Variants in ELMO1 observed in about 807,000 individuals in gnomAD.
The protein encoded by ELMO1 is engulfment and cell motility 1, also known as engulfment and cell motility protein 1.
ELMO1 carries 26 observed loss-of-function variants against 98.9 expected under a neutral mutation model. The observed-to-expected ratio is 0.26, with a 90% confidence interval of 0.19 to 0.36. ELMO1 has a LOEUF of 0.36. ELMO1 is among the 10% of genes least tolerant of loss of function. The probability of loss-of-function intolerance (pLI) is 1.00; values close to 1 mark genes in which losing one functional copy is unlikely to be tolerated. For missense variants in ELMO1, 627 were observed against 935.2 expected, an observed-to-expected ratio of 0.67 and a Z score of 4.30; for synonymous variants, 346 against 346.0, an observed-to-expected ratio of 1.00 and a Z score of 0.00.
intron 14 of ELMO1, among the ~76,000 whole-genome samples, chr7:37,098,318 A>C (rs1259451001): frequency 6.6e-6 from 1 of 152,210 alleles, no homozygotes; most frequent in African/African-American, 2.4e-5. Context: ...TGACCTCATT[A>C]AGCATTCATT....
chr7:37,259,046 A>G, intron 6 of ELMO1, 135 bp downstream of exon 6: 2 of 1,070,452 alleles, frequency 1.9e-6, no homozygotes, highest in South Asian at 5.1e-5. Flanking sequence ...CCACTATCTT[A>G]AAAACTATTT....
At chr7:37,349,674 G>T (rs10279078) in intron 1 of ELMO1, among the ~76,000 whole-genome samples, 55,672 of 151,882 alleles carry the variant, frequency 0.37, 10,557 homozygotes, top group Non-Finnish European at 0.41. Flanking sequence ...GGCTGGTCTC[G>T]AACTCCTGAC....
In ELMO1 at chr7:36,861,301, A is replaced by T. The variant is rs939297870; in HGVS notation, c.1983+358T>A. The stretch of plus-strand genomic sequence containing the variant: ...AAAACCTACTTCCTCAGATGTTTTA[A>T]AGAAGAGAGACCAGTTTATCTTGGG... On this transcript the variant is annotated intron_variant, in intron 21 of 21. Transcript: ENST00000310758. 1.7e-4 allele frequency among the ~76,000 whole-genome samples: 26 copies of T among 152,240 alleles called. 1 individual carries two copies. The highest frequency in any genetic ancestry group is 6.3e-4 in the African/African-American group (26 of 41,466).
intron 16 of ELMO1, chr7:36,986,126 C>A: frequency 1.0e-6 from 1 of 988,224 alleles, no homozygotes; most frequent in Non-Finnish European, 1.2e-6. Flanking sequence ...GGTATACACT[C>A]CAAGTCCAGA....
intron 11 of ELMO1, among the ~76,000 whole-genome samples, chr7:37,216,075 G>A (rs544022514): frequency 2.7e-5 from 4 of 150,170 alleles, no homozygotes; most frequent in Non-Finnish European, 5.9e-5. Flanking sequence ...TAGCGGGTAA[G>A]GCCTCAGGAA....
chr7:37,231,010 C>T (rs1386904202), intron 8 of ELMO1, among the ~76,000 whole-genome samples: 1 of 152,200 alleles, frequency 6.6e-6, no homozygotes, highest in Non-Finnish European at 1.5e-5. Flanking sequence ...GCAATTCCAA[C>T]AGTTTCTTTC....
At chr7:37,066,743 C>A (rs1319711040) in intron 15 of ELMO1, among the ~76,000 whole-genome samples, 1 of 151,970 alleles carries the variant, frequency 6.6e-6, no homozygotes, top group African/African-American at 2.4e-5. Flanking sequence ...ACTGTGTTCC[C>A]CATGAATATG....
intron 14 of ELMO1, among the ~76,000 whole-genome samples, chr7:37,124,634 G>C (rs927679194): frequency 2.6e-5 from 4 of 152,162 alleles, no homozygotes; most frequent in African/African-American, 7.2e-5. Context: ...CAAAATAAAA[G>C]AGGATACAAA....
intron 6 of ELMO1, among the ~76,000 whole-genome samples, chr7:37,252,612 T>C (rs1394542178): frequency 1.3e-5 from 2 of 152,094 alleles, no homozygotes; most frequent in Non-Finnish European, 2.9e-5. Context: ...ACGTAAGACC[T>C]AAAACCATAA....
At chr7:36,966,582 C>G (rs927036535) in intron 16 of ELMO1, among the ~76,000 whole-genome samples, 1 of 152,168 alleles carries the variant, frequency 6.6e-6, no homozygotes, top group Non-Finnish European at 1.5e-5. Flanking sequence ...TACAACTTTA[C>G]GTGTAAGTGA....
intron 8 of ELMO1, among the ~76,000 whole-genome samples, chr7:37,231,824 T>C (rs1794188992): frequency 6.6e-6 from 1 of 152,126 alleles, no homozygotes; most frequent in East Asian, 1.9e-4. Flanking sequence ...GGAGGCTGGA[T>C]GAAGGGCTTA....
At chr7:36,957,699 C>T (rs564081177) in intron 16 of ELMO1, among the ~76,000 whole-genome samples, 1 of 152,308 alleles carries the variant, frequency 6.6e-6, no homozygotes, top group African/African-American at 2.4e-5. Context: ...TTCCAATTCA[C>T]TCTCTCTAGT....
At chr7:37,062,079 A>G (rs1188270427) in intron 15 of ELMO1, among the ~76,000 whole-genome samples, 1 of 152,224 alleles carries the variant, frequency 6.6e-6, no homozygotes, top group Non-Finnish European at 1.5e-5. Context: ...ATTTGATTTG[A>G]TAATATATTC....
At chr7:37,141,367 G>A (rs1331506515) in intron 13 of ELMO1, among the ~76,000 whole-genome samples, 1 of 152,124 alleles carries the variant, frequency 6.6e-6, no homozygotes, top group Non-Finnish European at 1.5e-5. Flanking sequence ...GGACTTAGGG[G>A]AAAGAATGGG....
In ELMO1 at chr7:36,924,196, A is replaced by G. The variant is rs1033682012; in HGVS notation, c.1438-29179T>C. ...CATTTAGATTTTAGACTGTTGCCCA[A>G]CTGCTTTGGCCTTGACTTTATGGTT... On this transcript the variant is annotated intron_variant, in intron 16 of 21. Coordinates refer to ENST00000310758, the MANE Select transcript of ELMO1 (RefSeq NM_014800.11). Among the ~76,000 whole-genome samples, 15 of 152,222 alleles carry G rather than the reference A, an allele frequency of 9.9e-5. 1 individual carries two copies. Among genetic ancestry groups the G allele is most frequent in the African/African-American group, 3.4e-4 (14 of 41,456 alleles).
At position 37,116,532 on chromosome 7, in the gene ELMO1, T is replaced by C. The variant is rs562394254; in HGVS notation, c.1191+16598A>G. ...GAGGGAGTCAGGAACATGTGATCCT[T>C]CTGAAGTTTTTAACCTTTCAATTCA... On this transcript the variant is annotated intron_variant, in intron 14 of 21. Coordinates refer to ENST00000310758, the MANE Select transcript of ELMO1 (RefSeq NM_014800.11). 4.6e-5 allele frequency among the ~76,000 whole-genome samples: 7 copies of C among 152,322 alleles called. No individual in the cohort carries two copies. In the South Asian group the frequency reaches 1.5e-3, roughly 32 times the overall value.
chr7:37,293,498 G>A (rs1312629956), intron 4 of ELMO1, among the ~76,000 whole-genome samples: 6 of 104,268 alleles, frequency 5.8e-5, no homozygotes, highest in Admixed American at 2.1e-4. Context: ...GTTGTGCTTT[G>A]TTAAACAGAT....
chr7:37,003,048 C>A (rs1228836184), intron 16 of ELMO1, among the ~76,000 whole-genome samples: 1 of 152,176 alleles, frequency 6.6e-6, no homozygotes, highest in Admixed American at 6.5e-5. Flanking sequence ...TAAATGACTT[C>A]CTCCTACACA....
At chr7:37,283,218 TAGAG>T (rs552960130) in intron 4 of ELMO1, among the ~76,000 whole-genome samples, 7 of 152,058 alleles carry the variant, frequency 4.6e-5, no homozygotes, top group African/African-American at 9.7e-5. Flanking sequence ...TTGTGGAAGA[TAGAG>T]AGAAAGAACA....
Sources: gnomAD v4.1 joint callset for allele counts (sites outside exome capture counted in the v4.1 genomes callset) on GRCh38, gnomAD v4.1.1 for gene constraint, MANE v1.5 for transcripts, NCBI Gene and HGNC (gene_info 2026-07-23, HGNC 2026-07-21) for gene names.